Variants in TBC1D14 observed in about 807,000 individuals in gnomAD.
TBC1D14 encodes the protein TBC1 domain family, member 14.
Under a neutral mutation model 79.0 loss-of-function variants are expected in TBC1D14, and 26 were observed. The observed-to-expected ratio is 0.33, with a 90% CI of 0.24 to 0.46. The LOEUF (loss-of-function observed/expected upper bound fraction) is 0.46, where lower values mean the gene tolerates loss of function less well. Among genes scored for constraint, TBC1D14 ranks in the 20% least tolerant of loss-of-function variants. The probability of loss-of-function intolerance (pLI) is 1.00; values close to 1 mark genes in which losing one functional copy is unlikely to be tolerated. For missense variants in TBC1D14, 769 were observed against 887.6 expected (o/e 0.87, Z 1.70); for synonymous variants, 394 against 349.9 (o/e 1.13, Z -1.40).
intron 1 of TBC1D14, among the ~76,000 whole-genome samples, chr4:6,913,099 G>T (rs1477960351): frequency 6.6e-6 from 1 of 152,064 alleles, no homozygotes; most frequent in Admixed American, 6.5e-5. Context: ...AGGTTCAAGC[G>T]ATTCTCCTGC....
At chr4:7,018,057 G>A (rs774489489) in intron 12 of TBC1D14, among the ~76,000 whole-genome samples, 15 of 152,258 alleles carry the variant, frequency 9.9e-5, no homozygotes, top group Admixed American at 2.0e-4. Flanking sequence ...ACCTATTTCT[G>A]GGCACAGAAG....
At chr4:7,018,676 C>A (rs1229463721) in intron 12 of TBC1D14, among the ~76,000 whole-genome samples, 1 of 152,252 alleles carries the variant, frequency 6.6e-6, no homozygotes, top group African/African-American at 2.4e-5. Flanking sequence ...CCTTCCAACA[C>A]CGCCTTCCTG....
Position 7,025,123 on chromosome 4 carries a change from T to A in TBC1D14, c.1877T>A (p.Phe626Tyr). ...FRTALGILKL[F>Y]EDILTKMDFI... ...ACGGCCCTGGGCATCCTGAAGCTGT[T>A]CGAGGACATCCTGACCAAGATGGAC... The change falls in exon 13 of 14, where the codon TTC becomes TAC. Residue 626 changes from phenylalanine to tyrosine, a missense_variant. This residue lies in a region of TBC1D14 where 367 missense variants were observed against 494.4 expected (regional missense o/e 0.74). Transcript: ENST00000409757. The A allele has an allele frequency of 1.2e-6, 2 of 1,614,214 alleles. No individual in the cohort carries two copies. Among genetic ancestry groups the A allele is most frequent in the Non-Finnish European group, 1.7e-6 (2 of 1,180,032 alleles).
chr4:7,020,297 G>A (rs911010048), intron 12 of TBC1D14, among the ~76,000 whole-genome samples: 1 of 152,230 alleles, frequency 6.6e-6, no homozygotes, highest in Non-Finnish European at 1.5e-5. Flanking sequence ...TGAGTCTTAA[G>A]TAACCATCTC....
intron 2 of TBC1D14, among the ~76,000 whole-genome samples, chr4:6,933,192 T>C (rs1711924259): frequency 6.8e-6 from 1 of 147,682 alleles, no homozygotes; most frequent in African/African-American, 2.5e-5. Context: ...GAACACTGAT[T>C]GCTTTTAAGG....
chr4:6,944,763 G>A (rs1363666348), intron 2 of TBC1D14, among the ~76,000 whole-genome samples: 1 of 152,202 alleles, frequency 6.6e-6, no homozygotes, highest in Non-Finnish European at 1.5e-5. Flanking sequence ...TCCCTGCACT[G>A]GTTCCACGGG....
chr4:6,965,489 G>A (rs1371663488), intron 2 of TBC1D14, among the ~76,000 whole-genome samples: 1 of 152,114 alleles, frequency 6.6e-6, no homozygotes, highest in Non-Finnish European at 1.5e-5. Context: ...GGGCATCAGC[G>A]CCATTGACTT....
At chr4:6,925,994 T>C (rs1159812756) in intron 2 of TBC1D14, among the ~76,000 whole-genome samples, 2 of 151,908 alleles carry the variant, frequency 1.3e-5, no homozygotes, top group Non-Finnish European at 2.9e-5. Context: ...GTGGAAGGAG[T>C]GTGGCTTTGG....
chr4:7,009,619 G>T (rs1054929445), intron 9 of TBC1D14, among the ~76,000 whole-genome samples: 1 of 152,196 alleles, frequency 6.6e-6, no homozygotes, highest in African/African-American at 2.4e-5. Context: ...AAGGATATTT[G>T]TCCAGGGTGG....
chr4:6,936,898 CT>C (rs879368786), intron 2 of TBC1D14, among the ~76,000 whole-genome samples: 89 of 146,128 alleles, frequency 6.1e-4, no homozygotes, highest in Middle Eastern at 3.6e-3. Context: ...TCCGTTTGAG[CT>C]TTTTTTTTTT....
At chr4:6,919,220 C>T (rs1011451477) in intron 1 of TBC1D14, among the ~76,000 whole-genome samples, 1 of 151,666 alleles carries the variant, frequency 6.6e-6, no homozygotes, top group African/African-American at 2.4e-5. Flanking sequence ...CATTTCAGCT[C>T]ACTGCAACCT....
At chr4:7,009,819 C>T (rs113661237) in intron 9 of TBC1D14, 58 bp from the exon 10 acceptor site, 23 of 1,543,532 alleles carry the variant, frequency 1.5e-5, no homozygotes, top group East Asian at 1.1e-4. Flanking sequence ...ATCAGATGTT[C>T]GTCTGAGCAC....
chr4:6,934,671 AG>A (rs1712136076), intron 2 of TBC1D14, among the ~76,000 whole-genome samples: 1 of 151,908 alleles, frequency 6.6e-6, no homozygotes, highest in Non-Finnish European at 1.5e-5. Context: ...AAAACAAAAA[AG>A]GAAAAAATGA....
intron 3 of TBC1D14, among the ~76,000 whole-genome samples, chr4:6,978,181 C>A (rs1716989198): frequency 6.6e-6 from 1 of 151,644 alleles, no homozygotes; most frequent in African/African-American, 2.4e-5. Flanking sequence ...CTCTGCCCGG[C>A]CGCCCCTACT....
chr4:7,030,834 G>A lies in TBC1D14; in HGVS notation c.*442G>A, dbSNP rs979355350. On this transcript the variant is annotated 3_prime_UTR_variant, in exon 14 of 14. Coordinates refer to ENST00000409757, the MANE Select transcript of TBC1D14 (RefSeq NM_020773.3). ...TTCGATAAGAAAGGGATCGCTGATT[G>A]AGTTATTGAGATAGTTTTTCCAGAG... 6.4e-6 allele frequency: 1 copy of A among 155,816 alleles called. No individual in the cohort carries two copies. The highest frequency in any genetic ancestry group is 1.4e-5 in the Non-Finnish European group (1 of 70,170). 9.7% of individuals were successfully genotyped at this position (155,816 alleles called of 1,614,324 possible).
At chr4:6,973,808 T>TTTTA (rs1011771278) in intron 3 of TBC1D14, among the ~76,000 whole-genome samples, 1 of 151,886 alleles carries the variant, frequency 6.6e-6, no homozygotes, top group East Asian at 1.9e-4. Context: ...CATTTTTTAG[T>TTTTA]TTTATTTATT....
chr4:6,995,262 C>G (rs1485512968), intron 4 of TBC1D14: 1 of 152,130 alleles, frequency 6.6e-6, no homozygotes, highest in Admixed American at 6.5e-5. Flanking sequence ...ACAAATGAAC[C>G]ACGTAGCTAG....
At chr4:6,963,444 T>A (rs908859204) in intron 2 of TBC1D14, among the ~76,000 whole-genome samples, 2 of 152,236 alleles carry the variant, frequency 1.3e-5, no homozygotes, top group African/African-American at 2.4e-5. Context: ...ACAGAGCAGA[T>A]GGGCTCTGCA....
chr4:6,999,089 G>C lies in TBC1D14; in HGVS notation c.1050G>C (p.Leu350=). 6.2e-7 allele frequency: 1 copy of C among 1,614,082 alleles called. No individual in the cohort carries two copies. Among genetic ancestry groups the C allele is most frequent in the Non-Finnish European group, 8.5e-7 (1 of 1,179,946 alleles). The change falls in exon 6 of 14, where the codon CTG becomes CTC. Residue 350 remains leucine (L), a synonymous_variant. Coordinates refer to ENST00000409757, the MANE Select transcript of TBC1D14 (RefSeq NM_020773.3). The part of the protein sequence containing the change: ...EMVVQAKKRE[L]KEAQRRKKQL... The stretch of plus-strand genomic sequence containing the variant: ...TTTCTAAATTGTGATTTCTAGAGCT[G>C]AAAGAAGCCCAGCGAAGGAAGAAGC...
Sources: allele counts gnomAD v4.1 joint callset (sites outside exome capture counted in the v4.1 genomes callset), GRCh38; gene constraint gnomAD v4.1.1; regional missense constraint gnomAD v4.1.1; transcripts MANE v1.5; gene names NCBI Gene and HGNC (gene_info 2026-07-23, HGNC 2026-07-21).